The following SLC22A2 variants were observed in gnomAD, a reference collection of about 807,000 sequenced individuals.
SLC22A2 encodes solute carrier family 22 member 2, also known as organic cation transporter 2.
Under a neutral mutation model 60.5 loss-of-function variants are expected in SLC22A2, and 46 were observed. The ratio of observed to expected loss-of-function variants is 0.76; its 90% confidence interval spans 0.60 to 0.97. The LOEUF (loss-of-function observed/expected upper bound fraction) is 0.97, where lower values mean the gene tolerates loss of function less well. Ranked by LOEUF, SLC22A2 falls within the 50% of genes least tolerant of loss-of-function variation. SLC22A2 has a pLI of 0.00. For synonymous variants in SLC22A2, 303 were observed against 267.0 expected (o/e 1.13, Z -1.31); for missense variants, 701 against 706.6 (o/e 0.99, Z 0.09).
chr6:160,217,482 C>G lies in SLC22A2; in HGVS notation c.1618G>C (p.Glu540Gln). The G allele has an allele frequency of 6.3e-7, 1 of 1,595,032 alleles. No homozygotes were observed. The highest frequency in any genetic ancestry group is 8.6e-7 in the Non-Finnish European group (1 of 1,163,448). ...ENMQRPRKNK[E>Q]KMIYLQVQKL... ...TGAACTTGGAGGTAAATCATCTTTT[C>G]TTTATTTTTTCTTGGTCTGCAATAA... Residue 540 changes from glutamate to glutamine, a missense_variant, in exon 11 of 11, where the codon GAA (glutamate) becomes CAA (glutamine). Coordinates refer to ENST00000366953, the MANE Select transcript of SLC22A2 (RefSeq NM_003058.4).
chr6:160,242,188 A>G (rs1783019806), intron 8 of SLC22A2, 106 bp downstream of exon 8: 2 of 762,284 alleles, frequency 2.6e-6, no homozygotes, highest in Admixed American at 1.8e-5. Context: ...ACCTTCCCTT[A>G]CACTGTGTTT....
intron 9 of SLC22A2, among the ~76,000 whole-genome samples, chr6:160,239,343 G>A (rs1212361067): frequency 1.3e-5 from 2 of 152,146 alleles, no homozygotes; most frequent in Non-Finnish European, 2.9e-5. Flanking sequence ...GTAACTATAG[G>A]TTACTCAACT....
intron 9 of SLC22A2, among the ~76,000 whole-genome samples, chr6:160,231,797 T>C (rs1314905822): frequency 6.6e-6 from 1 of 151,872 alleles, no homozygotes; most frequent in Non-Finnish European, 1.5e-5. Context: ...TTTCCATTCC[T>C]TAAAAAACAG....
intron 9 of SLC22A2, among the ~76,000 whole-genome samples, chr6:160,229,452 G>C (rs923760389): frequency 6.6e-6 from 1 of 151,856 alleles, no homozygotes; most frequent in East Asian, 1.9e-4. Context: ...TGATCACCAC[G>C]GGGATGCTTG....
chr6:160,242,396 T>A lies in SLC22A2; in HGVS notation c.1286A>T (p.Gln429Leu). The A allele has an allele frequency of 6.4e-7, 1 of 1,563,716 alleles. No individual in the cohort carries two copies. Among genetic ancestry groups the A allele is most frequent in the East Asian group, 2.2e-5 (1 of 44,680 alleles). The change falls in exon 8 of 11, where the codon CAA becomes CTA. Residue 429 changes from glutamine to leucine, a missense_variant. Gln to Leu is a moderately radical substitution (Grantham distance 113). Transcript: ENST00000366953. ...LASVFIPGDL[Q>L]WLKIIISCLG... ...GCATGAGATAATAATTTTTAGCCAT[T>A]GTAGATCTAAGAGGGAAAAGAACAG...
chr6:160,258,605 G>A lies in SLC22A2; in HGVS notation c.153C>T (p.Cys51=). 6.2e-7 allele frequency: 1 copy of A among 1,614,020 alleles called. No individual in the cohort carries two copies. Among genetic ancestry groups the A allele is most frequent in the Non-Finnish European group, 8.5e-7 (1 of 1,179,956 alleles). Residue 51 remains cysteine (C), a synonymous_variant, in exon 1 of 11, where the codon TGC becomes TGT. Transcript: ENST00000366953. ...VFLGFTPDHR[C]RSPGVAELSL... ...TCAGCTCGGCCACTCCGGGGCTCCG[G>A]CAGCGGTGGTCAGGGGTGAAGCCCA...
At position 160,242,303 on chromosome 6, in the gene SLC22A2, G is replaced by A; in HGVS notation, c.1379C>T (p.Thr460Ile). Residue 460 changes from threonine (T) to isoleucine (I), a missense_variant, in exon 8 of 11, where the codon ACA (threonine) becomes ATA (isoleucine). By Grantham distance (89) the Thr-to-Ile change is moderately conservative. Transcript: ENST00000366953. ...AGGAAAATGCACTCACCTAATGAAT[G>A]TGGGGTACAGCTCAGCATTGACCAG... ...VCLVNAELYP[T>I]FIRNLGVHIC... 1 of 1,568,668 alleles carries A rather than the reference G, an allele frequency of 6.4e-7. No homozygotes were observed. The highest frequency in any genetic ancestry group is 8.8e-7 in the Non-Finnish European group (1 of 1,138,480).
intron 9 of SLC22A2, among the ~76,000 whole-genome samples, chr6:160,233,352 A>G (rs534667158): frequency 1.3e-5 from 2 of 151,934 alleles, no homozygotes; most frequent in Admixed American, 6.5e-5. Context: ...TATTAGTCAA[A>G]TCACCCAAGC....
intron 9 of SLC22A2, among the ~76,000 whole-genome samples, chr6:160,240,596 G>A (rs1782982718): frequency 6.6e-6 from 1 of 152,080 alleles, no homozygotes; most frequent in Admixed American, 6.6e-5. Flanking sequence ...TCTGGAAGAG[G>A]GTGTTGCATG....
chr6:160,236,543 T>TA (rs1782914568), intron 9 of SLC22A2, among the ~76,000 whole-genome samples: 1 of 152,210 alleles, frequency 6.6e-6, no homozygotes, highest in Non-Finnish European at 1.5e-5. Context: ...GTTATTTGCA[T>TA]AAGTGCAATA....
intron 9 of SLC22A2, among the ~76,000 whole-genome samples, chr6:160,238,281 G>A (rs1782944086): frequency 6.6e-6 from 1 of 152,152 alleles, no homozygotes; most frequent in Non-Finnish European, 1.5e-5. Flanking sequence ...ATAGTGCCTG[G>A]CACATGGTAT....
chr6:160,235,084 C>T (rs1393146606), intron 9 of SLC22A2, among the ~76,000 whole-genome samples: 1 of 152,180 alleles, frequency 6.6e-6, no homozygotes, highest in East Asian at 1.9e-4. Flanking sequence ...TTGGGAAAAA[C>T]AGAGGAGACA....
intron 9 of SLC22A2, among the ~76,000 whole-genome samples, chr6:160,236,380 A>G (rs1226676846): frequency 6.6e-6 from 1 of 152,180 alleles, no homozygotes; most frequent in African/African-American, 2.4e-5. Context: ...AGAGTCAAGG[A>G]AACTTTTCTT....
In SLC22A2 at chr6:160,251,197, C is replaced by A. The variant is rs1031761119; in HGVS notation, c.519-495G>T. On this transcript the variant is annotated intron_variant, in intron 2 of 10. Coordinates refer to ENST00000366953, the MANE Select transcript of SLC22A2 (RefSeq NM_003058.4). The stretch of plus-strand genomic sequence containing the variant: ...TGCTTTTAGGCTTTGTGAAAATTGT[C>A]TTTGGTGCCACACATGTTACTATCC... 1.2e-4 allele frequency among the ~76,000 whole-genome samples: 19 copies of A among 152,158 alleles called. 1 individual carries two copies. The highest frequency in any genetic ancestry group is 4.3e-4 in the African/African-American group (18 of 41,436).
At chr6:160,251,805 T>A (rs1783190185) in intron 2 of SLC22A2, among the ~76,000 whole-genome samples, 1 of 152,232 alleles carries the variant, frequency 6.6e-6, no homozygotes, top group African/African-American at 2.4e-5. Context: ...AGTGAAGGTG[T>A]CAAATACTAA....
chr6:160,258,792 C>G lies in SLC22A2; in HGVS notation c.-35G>C, dbSNP rs777010025. ...GGCAGGAGGGCCCGAGGCTGCCCGA[C>G]GTGCCCGGAGCGAGGCTGAGAGCGG... On this transcript the variant is annotated 5_prime_UTR_variant, in exon 1 of 11. Transcript: ENST00000366953. 3 of 1,510,854 alleles carry G rather than the reference C, an allele frequency of 2.0e-6. No homozygotes were observed. Among genetic ancestry groups the G allele is most frequent in the Non-Finnish European group, 2.7e-6 (3 of 1,130,418 alleles). 93.6% of individuals were successfully genotyped at this position (1,510,854 alleles called of 1,614,324 possible). A position where few individuals can be genotyped will look rare whatever the true frequency, so the allele number is the denominator to read the frequency against.
intron 10 of SLC22A2, 69 bp from the exon 11 acceptor site, chr6:160,217,567 G>A (rs1005001240): frequency 1.1e-5 from 9 of 797,570 alleles, no homozygotes; most frequent in Admixed American, 1.0e-4. Flanking sequence ...AAAATAAAGT[G>A]GGTAATAAAT....
At position 160,249,247 on chromosome 6, in the gene SLC22A2, G is replaced by T. The variant is rs1322204462; in HGVS notation, c.811C>A (p.Leu271Met). Residue 271 changes from leucine to methionine, a missense_variant, in exon 4 of 11, where the codon CTG becomes ATG. Transcript: ENST00000366953. ...TAGAGCAAGAAGAAGAAGTTGGGCA[G>T]AGAAACTGTGAACTGCAACCACCTC... is the stretch of plus-strand genomic sequence containing the variant. ...HWRWLQFTVS[L>M]PNFFFLLYYW... The T allele has an allele frequency of 6.2e-7, 1 of 1,608,098 alleles. No individual in the cohort carries two copies. The highest frequency in any genetic ancestry group is 1.7e-5 in the Admixed American group (1 of 58,698).
At chr6:160,251,269 A>T (rs73782086) in intron 2 of SLC22A2, among the ~76,000 whole-genome samples, 2 of 152,172 alleles carry the variant, frequency 1.3e-5, no homozygotes, top group African/African-American at 4.8e-5. Flanking sequence ...GCTTCCACAC[A>T]TCAGATTTGG....
Sources: allele counts gnomAD v4.1 joint callset (sites outside exome capture counted in the v4.1 genomes callset), GRCh38; gene constraint gnomAD v4.1.1; transcripts MANE v1.5; gene names NCBI Gene and HGNC (gene_info 2026-07-23, HGNC 2026-07-21).